Variants in EXOC6B observed in about 807,000 individuals in gnomAD.
The protein encoded by EXOC6B is exocyst complex component 6B.
Under a neutral mutation model 113.5 loss-of-function variants are expected in EXOC6B, and 54 were observed. The ratio of observed to expected loss-of-function variants is 0.48; its 90% CI spans 0.38 to 0.60. EXOC6B has a LOEUF of 0.60. EXOC6B is among the 20% of genes least tolerant of loss of function. EXOC6B has a pLI of 0.00. For missense variants in EXOC6B, 797 were observed against 977.5 expected (o/e 0.82, Z 2.46); for synonymous variants, 357 against 339.0 (o/e 1.05, Z -0.58).
chr2:72,366,977 G>C (rs1418095108), intron 19 of EXOC6B, among the ~76,000 whole-genome samples: 1 of 151,902 alleles, frequency 6.6e-6, no homozygotes, highest in Non-Finnish European at 1.5e-5. Context: ...TCTGCACAAA[G>C]ACATGAAGAA....
chr2:72,303,806 C>G (rs530397853), intron 20 of EXOC6B, among the ~76,000 whole-genome samples: 2 of 152,078 alleles, frequency 1.3e-5, no homozygotes, highest in Non-Finnish European at 2.9e-5. Flanking sequence ...TTTTTCACCT[C>G]TGTGTGTGGG....
chr2:72,748,142 G>A lies in EXOC6B; in HGVS notation c.114-6673C>T, dbSNP rs148613047. On this transcript the variant is annotated intron_variant, in intron 1 of 21. Coordinates refer to ENST00000272427, the MANE Select transcript of EXOC6B (RefSeq NM_015189.3). ...TCTGTTGAGATGTTTTCAGAACCAC[G>A]GAGAACTTCAAGACACAATGAACTG... 4.7e-3 allele frequency among the ~76,000 whole-genome samples: 721 copies of A among 152,062 alleles called. 2 individuals are homozygous for A. Among genetic ancestry groups the A allele is most frequent in the African/African-American group, 0.016 (684 of 41,498 alleles).
At chr2:72,792,390 A>G (rs866487013) in intron 1 of EXOC6B, among the ~76,000 whole-genome samples, 4 of 152,202 alleles carry the variant, frequency 2.6e-5, no homozygotes, top group Non-Finnish European at 4.4e-5. Flanking sequence ...AAGATTAAAT[A>G]AAATAATATG....
intron 18 of EXOC6B, among the ~76,000 whole-genome samples, chr2:72,417,051 T>C (rs1469994216): frequency 2.6e-5 from 4 of 152,224 alleles, no homozygotes; most frequent in Admixed American, 1.3e-4. Flanking sequence ...TAGTTATTTT[T>C]TAAAGTATTA....
rs572609548 is a variant in EXOC6B at position 72,456,156 on chromosome 2, T to A, written c.1980+9004A>T. Among the ~76,000 whole-genome samples the A allele has an allele frequency of 2.0e-5, 3 of 152,220 alleles. No homozygotes were observed. In the East Asian group the frequency reaches 5.8e-4, roughly 29 times the overall value. On this transcript the variant is annotated intron_variant, in intron 18 of 21. Coordinates refer to ENST00000272427, the MANE Select transcript of EXOC6B (RefSeq NM_015189.3). ...AAATGTGAACATTACTAAGTAATAATGAATGCAAGGCATTTTATAATTAAA... is the reference window on the plus strand; with the variant it reads ...AAATGTGAACATTACTAAGTAATAAAGAATGCAAGGCATTTTATAATTAAA...
chr2:72,417,843 C>A (rs1471037668), intron 18 of EXOC6B, among the ~76,000 whole-genome samples: 1 of 152,086 alleles, frequency 6.6e-6, no homozygotes, highest in Non-Finnish European at 1.5e-5. Context: ...TTTTCCTTCA[C>A]ATTCGCCTGT....
At chr2:72,780,508 T>C (rs1390607293) in intron 1 of EXOC6B, among the ~76,000 whole-genome samples, 1 of 152,212 alleles carries the variant, frequency 6.6e-6, no homozygotes, top group East Asian at 1.9e-4. Context: ...AAGTATTCTG[T>C]GCCCTAAAAT....
chr2:72,678,980 A>T (rs1676502193), intron 6 of EXOC6B, among the ~76,000 whole-genome samples: 1 of 152,216 alleles, frequency 6.6e-6, no homozygotes, highest in Non-Finnish European at 1.5e-5. Flanking sequence ...TCTTAAAATT[A>T]TTCCACATTA....
At chr2:72,221,013 G>A (rs1304974945) in intron 20 of EXOC6B, among the ~76,000 whole-genome samples, 8 of 152,076 alleles carry the variant, frequency 5.3e-5, no homozygotes, top group African/African-American at 1.2e-4. Context: ...ATTTTGAAAC[G>A]CACAATAGAT....
At chr2:72,596,698 CT>C (rs1404039498) in intron 6 of EXOC6B, among the ~76,000 whole-genome samples, 1 of 152,018 alleles carries the variant, frequency 6.6e-6, no homozygotes, top group Non-Finnish European at 1.5e-5. Flanking sequence ...CTACAGAAAG[CT>C]TCCTACCTCC....
chr2:72,507,894 G>T (rs187025628), intron 11 of EXOC6B, among the ~76,000 whole-genome samples: 1 of 149,020 alleles, frequency 6.7e-6, no homozygotes, highest in Non-Finnish European at 1.5e-5. Context: ...TTTGTACTGC[G>T]AGATTTAGAG....
chr2:72,695,303 C>T (rs1408790122), intron 6 of EXOC6B, among the ~76,000 whole-genome samples: 1 of 152,150 alleles, frequency 6.6e-6, no homozygotes, highest in African/African-American at 2.4e-5. Flanking sequence ...AATAGGACAA[C>T]CACGTATGAA....
At chr2:72,480,518 T>C (rs1421604380) in intron 17 of EXOC6B, 98 bp downstream of exon 17, 9 of 1,099,330 alleles carry the variant, frequency 8.2e-6, no homozygotes, top group South Asian at 6.7e-5. Flanking sequence ...CTCAAGAGCA[T>C]GTTATAAACC....
At chr2:72,625,890 G>T (rs770998143) in intron 6 of EXOC6B, among the ~76,000 whole-genome samples, 6 of 152,102 alleles carry the variant, frequency 3.9e-5, no homozygotes, top group Non-Finnish European at 8.8e-5. Flanking sequence ...ATTTACTGTG[G>T]TTTTTTACAA....
intron 18 of EXOC6B, among the ~76,000 whole-genome samples, chr2:72,401,121 G>A (rs1693120434): frequency 6.6e-6 from 1 of 151,586 alleles, no homozygotes; most frequent in African/African-American, 2.4e-5. Flanking sequence ...TTATGTTAAT[G>A]AGCTCCAAGT....
chr2:72,484,240 C>T (rs1255970077), intron 16 of EXOC6B, among the ~76,000 whole-genome samples: 1 of 151,138 alleles, frequency 6.6e-6, no homozygotes, highest in Non-Finnish European at 1.5e-5. Flanking sequence ...TGGTTTGCTG[C>T]ACCTATTGAC....
intron 20 of EXOC6B, among the ~76,000 whole-genome samples, chr2:72,239,666 A>G (rs575955672): frequency 2.0e-5 from 3 of 152,300 alleles, no homozygotes; most frequent in East Asian, 3.9e-4. Context: ...CTTTGTTTCC[A>G]TATTAAGATC....
chr2:72,685,259 A>G (rs1677004139), intron 6 of EXOC6B, among the ~76,000 whole-genome samples: 1 of 152,192 alleles, frequency 6.6e-6, no homozygotes, highest in South Asian at 2.1e-4. Flanking sequence ...TTAAGAAAAA[A>G]AAAGTAAACT....
In EXOC6B at chr2:72,604,655, T is replaced by C. The variant is rs576275740; in HGVS notation, c.670-28987A>G. 3.9e-5 allele frequency among the ~76,000 whole-genome samples: 6 copies of C among 152,306 alleles called. No homozygotes were observed. The South Asian group carries it at 6.2e-4, about 16-fold the overall frequency. ...ACTGGGTGTACCCCATGTGCATAAC[T>C]CATGTACATAACTGTACTTCTATTA... On this transcript the variant is annotated intron_variant, in intron 6 of 21. Coordinates refer to ENST00000272427, the MANE Select transcript of EXOC6B (RefSeq NM_015189.3).
Sources: gnomAD v4.1 joint callset for allele counts (sites outside exome capture counted in the v4.1 genomes callset) on GRCh38, gnomAD v4.1.1 for gene constraint, MANE v1.5 for transcripts, NCBI Gene and HGNC (gene_info 2026-07-23, HGNC 2026-07-21) for gene names.